Variants in FARP1 observed in about 807,000 individuals in gnomAD.
FARP1 encodes the protein FERM, ARHGEF and pleckstrin domain-containing protein 1.
In FARP1, 52 loss-of-function variants were observed where a neutral mutation model predicts 128.8. The ratio of observed to expected loss-of-function variants is 0.40; its 90% CI spans 0.32 to 0.51. The LOEUF (loss-of-function observed/expected upper bound fraction) is 0.51. Ranked by LOEUF, FARP1 falls within the 20% of genes least tolerant of loss-of-function variation. The pLI is 0.45. For synonymous variants in FARP1, 580 were observed against 551.8 expected (o/e 1.05, Z -0.72); for missense variants, 1,333 against 1,367.9 (o/e 0.97, Z 0.40).
intron 16 of FARP1, among the ~76,000 whole-genome samples, chr13:98,421,655 C>A (rs772012118): frequency 2.4e-4 from 37 of 152,096 alleles, no homozygotes; most frequent in Non-Finnish European, 4.4e-4. Flanking sequence ...TCCAGGAATT[C>A]AAGGCCAGCT....
At chr13:98,240,398 C>T (rs944260085) in intron 2 of FARP1, among the ~76,000 whole-genome samples, 8 of 152,156 alleles carry the variant, frequency 5.3e-5, no homozygotes, top group Middle Eastern at 3.4e-3. Flanking sequence ...GAGGATGCGG[C>T]GATGCTCCCA....
At chr13:98,440,305 A>G in intron 23 of FARP1, 70 bp downstream of exon 23, 1 of 1,123,214 alleles carries the variant, frequency 8.9e-7, no homozygotes, top group Non-Finnish European at 1.4e-6. Context: ...TCTGCATCTA[A>G]AGCCACCCCA....
chr13:98,440,524 G>C, intron 23 of FARP1, 146 bp from the exon 24 acceptor site: 2 of 739,342 alleles, frequency 2.7e-6, no homozygotes, highest in Non-Finnish European at 4.4e-6. Flanking sequence ...GGAGCTGCAG[G>C]GTCCATCGAG....
intron 1 of FARP1, among the ~76,000 whole-genome samples, chr13:98,144,218 G>GTGTGTGTGTT (rs1364852281): frequency 6.7e-6 from 1 of 150,262 alleles, no homozygotes; most frequent in African/African-American, 2.5e-5. Context: ...GTGTGTGTGT[G>GTGTGTGTGTT]TGTGTGTGTT....
chr13:98,409,973 T>A (rs1206163375), intron 14 of FARP1, among the ~76,000 whole-genome samples: 1 of 152,256 alleles, frequency 6.6e-6, no homozygotes, highest in African/African-American at 2.4e-5. Context: ...GCTGTGTGTA[T>A]AAACCACACT....
rs1378410110 is a variant in FARP1, at chr13:98,203,655, C to CT, written c.-23-9564dup. Among the ~76,000 whole-genome samples, 5 of 152,264 alleles carry CT rather than the reference C, an allele frequency of 3.3e-5. No individual in the cohort carries two copies. In the East Asian group the frequency reaches 9.7e-4, roughly 29 times the overall value. ...GGTTTATTCACTCACCAGTTGATGA[C>CT]TATTTGGATTATTGGGTTATCCACT... On this transcript the variant is annotated intron_variant, in intron 1 of 26. Coordinates refer to ENST00000319562, the MANE Select transcript of FARP1 (RefSeq NM_005766.4).
At chr13:98,394,436 A>T (rs1287040858) in intron 12 of FARP1, among the ~76,000 whole-genome samples, 2 of 152,198 alleles carry the variant, frequency 1.3e-5, no homozygotes, top group Admixed American at 6.5e-5. Flanking sequence ...GGGGTCCCTG[A>T]TGTGCCTGCC....
At chr13:98,363,451 G>C (rs1888956583) in intron 3 of FARP1, among the ~76,000 whole-genome samples, 1 of 152,144 alleles carries the variant, frequency 6.6e-6, no homozygotes, top group Admixed American at 6.5e-5. Context: ...TCCAGTGCTA[G>C]CCAGTCCTTA....
intron 1 of FARP1, among the ~76,000 whole-genome samples, chr13:98,186,905 T>G (rs753184723): frequency 6.8e-6 from 1 of 146,362 alleles, no homozygotes; most frequent in Non-Finnish European, 1.5e-5. Context: ...GGCGTAAGAA[T>G]TGCTTGAACC....
chr13:98,252,377 A>G (rs1224865232), intron 2 of FARP1, among the ~76,000 whole-genome samples: 1 of 152,198 alleles, frequency 6.6e-6, no homozygotes, highest in Non-Finnish European at 1.5e-5. Flanking sequence ...TCAGGTTCAC[A>G]TTCATGTTCT....
chr13:98,410,764 G>A lies in FARP1; in HGVS notation c.1633G>A (p.Ala545Thr). The change falls in exon 15 of 27, where the codon GCT becomes ACT. Residue 545 changes from alanine (A) to threonine (T), a missense_variant. This residue lies in a region of FARP1 where 1,009 missense variants were observed against 969.8 expected (regional missense o/e 1.04). Coordinates refer to ENST00000319562, the MANE Select transcript of FARP1 (RefSeq NM_005766.4). ...RFPTDKAYFI[A>T]KEVSTTERTY... ...CCCAACTGATAAAGCGTACTTCATA[G>A]CTAAGGAAGTGTCTACCACCGAGCG... 2 of 1,604,498 alleles carry A rather than the reference G, an allele frequency of 1.2e-6. No individual in the cohort carries two copies. The highest frequency in any genetic ancestry group is 1.7e-6 in the Non-Finnish European group (2 of 1,173,476).
intron 2 of FARP1, among the ~76,000 whole-genome samples, chr13:98,238,363 AC>A (rs763200497): frequency 5.3e-5 from 8 of 152,358 alleles, no homozygotes; most frequent in Non-Finnish European, 1.0e-4. Context: ...TTTCTTAATA[AC>A]ATTTTCTTGT....
At chr13:98,343,291 TCACAA>T (rs1888046481) in intron 2 of FARP1, among the ~76,000 whole-genome samples, 1 of 152,014 alleles carries the variant, frequency 6.6e-6, no homozygotes, top group South Asian at 2.1e-4. Context: ...TGCAGACGGG[TCACAA>T]CACATTTGTC....
intron 24 of FARP1, 80 bp from the exon 25 acceptor site, chr13:98,446,018 C>T: frequency 1.0e-6 from 1 of 955,642 alleles, no homozygotes; most frequent in Non-Finnish European, 1.7e-6. Flanking sequence ...GCCCAGGGCC[C>T]TGGTGCAGGG....
intron 13 of FARP1, chr13:98,404,011 C>CATCACCACCACCACCACCACTGCTACT (rs1890879506): frequency 6.6e-6 from 1 of 151,650 alleles, no homozygotes. Context: ...CCACCACCAC[C>CATCACCACCACCACCACCACTGCTACT]ACCACCATCA....
At chr13:98,305,198 C>G (rs1453884508) in intron 2 of FARP1, among the ~76,000 whole-genome samples, 1 of 151,702 alleles carries the variant, frequency 6.6e-6, no homozygotes, top group African/African-American at 2.4e-5. Flanking sequence ...CATTCACTAA[C>G]AACAACTTGT....
At chr13:98,414,488 T>C (rs1891305003) in intron 16 of FARP1, among the ~76,000 whole-genome samples, 1 of 152,150 alleles carries the variant, frequency 6.6e-6, no homozygotes, top group Non-Finnish European at 1.5e-5. Context: ...TGAATGAGTT[T>C]AGTATGAGCC....
intron 2 of FARP1, among the ~76,000 whole-genome samples, chr13:98,214,644 T>G (rs1351531243): frequency 6.6e-6 from 1 of 152,198 alleles, no homozygotes; most frequent in African/African-American, 2.4e-5. Flanking sequence ...ATTAAATGTC[T>G]CAGGAAAAGA....
At chr13:98,440,563 AG>A in intron 23 of FARP1, 106 bp from the exon 24 acceptor site, 1 of 1,185,544 alleles carries the variant, frequency 8.4e-7, no homozygotes, top group Non-Finnish European at 1.2e-6. Flanking sequence ...TGGGCACCAC[AG>A]GTTGTGACTG....
Sources: allele counts gnomAD v4.1 joint callset (sites outside exome capture counted in the v4.1 genomes callset), GRCh38; gene constraint gnomAD v4.1.1; regional missense constraint gnomAD v4.1.1; transcripts MANE v1.5; gene names NCBI Gene and HGNC (gene_info 2026-07-23, HGNC 2026-07-21).